Variants in PCDH11X observed in about 807,000 individuals in gnomAD.
PCDH11X encodes the protein protocadherin 11 X-linked, also known as protocadherin-11 X-linked.
PCDH11X carries 18 observed loss-of-function variants against 53.3 expected under a neutral mutation model. That is an observed-to-expected ratio of 0.34 (90% CI 0.23 to 0.50). PCDH11X has a LOEUF of 0.50. PCDH11X is among the 20% of genes least tolerant of loss of function. PCDH11X has a pLI of 0.98. For synonymous variants in PCDH11X, 279 were observed against 393.3 expected (o/e 0.71, Z 3.44); for missense variants, 570 against 1,032.4 (o/e 0.55, Z 6.14).
At chrX:91,947,255 TATC>T (rs1183299271) in intron 6 of PCDH11X, among the ~76,000 whole-genome samples, 6 of 109,626 alleles carry the variant, frequency 5.5e-5, no homozygotes, top group Admixed American at 3.9e-4. Context: ...AAATGATTAT[TATC>T]AACATCATTC....
chrX:91,826,325 T>G (rs1936924852), intron 4 of PCDH11X, among the ~76,000 whole-genome samples: 2 of 111,473 alleles, frequency 1.8e-5, no homozygotes, highest in Non-Finnish European at 3.8e-5. Flanking sequence ...TAGATGCTAT[T>G]CCTTCCTGAA....
chrX:92,299,289 G>A (rs923445321), intron 8 of PCDH11X, among the ~76,000 whole-genome samples: 2 of 111,335 alleles, frequency 1.8e-5, no homozygotes, highest in Admixed American at 9.5e-5. Context: ...AAGCTGATAG[G>A]TAAAGCTTTA....
At chrX:92,230,007 C>T (rs895985730) in intron 7 of PCDH11X, among the ~76,000 whole-genome samples, 7 of 110,152 alleles carry the variant, frequency 6.4e-5, no homozygotes, top group Admixed American at 3.0e-4. Flanking sequence ...TTTAGAAACC[C>T]GGAAATGTGG....
intron 8 of PCDH11X, among the ~76,000 whole-genome samples, chrX:92,361,914 T>G (rs1300585500): frequency 9.0e-6 from 1 of 111,565 alleles, no homozygotes; most frequent in Non-Finnish European, 1.9e-5. Context: ...AGTGGACTCA[T>G]GTACTATTTG....
chrX:92,566,936 G>T (rs1921543939), intron 10 of PCDH11X, among the ~76,000 whole-genome samples: 1 of 108,745 alleles, frequency 9.2e-6, no homozygotes, highest in Admixed American at 1.0e-4. Flanking sequence ...TCCTTCACCA[G>T]AGATAAGAAG....
chrX:92,213,601 C>T (rs1331217696), intron 7 of PCDH11X, among the ~76,000 whole-genome samples: 1 of 111,676 alleles, frequency 9.0e-6, no homozygotes, highest in Non-Finnish European at 1.9e-5. Flanking sequence ...TGACATCCCA[C>T]GATTCTCATG....
At chrX:91,849,839 A>G (rs1358462400) in intron 5 of PCDH11X, among the ~76,000 whole-genome samples, 1 of 98,547 alleles carries the variant, frequency 1.0e-5, no homozygotes, top group Non-Finnish European at 2.0e-5. Context: ...ATTTGAAAAC[A>G]TAGCCAATTC....
chrX:92,439,927 T>C (rs2072474457), intron 9 of PCDH11X, among the ~76,000 whole-genome samples: 1 of 59,168 alleles, frequency 1.7e-5, no homozygotes, highest in Admixed American at 2.1e-4. Context: ...TGGAGTACAG[T>C]TACATTTCAG....
intron 7 of PCDH11X, among the ~76,000 whole-genome samples, chrX:92,210,541 C>G (rs2066565683): frequency 9.1e-6 from 1 of 110,409 alleles, no homozygotes; most frequent in African/African-American, 3.3e-5. Flanking sequence ...GCCCGGCCCC[C>G]GAAAATGGGC....
At chrX:92,120,411 G>T (rs1473948914) in intron 6 of PCDH11X, among the ~76,000 whole-genome samples, 2 of 112,262 alleles carry the variant, frequency 1.8e-5, no homozygotes, top group Non-Finnish European at 3.8e-5. Context: ...ACCCGCCTCG[G>T]CCTCTGAAAG....
At chrX:92,353,485 C>T (rs1010177508) in intron 8 of PCDH11X, among the ~76,000 whole-genome samples, 7 of 110,507 alleles carry the variant, frequency 6.3e-5, no homozygotes, top group East Asian at 5.7e-4. Context: ...ATTCCATCAA[C>T]TTAATTCTAC....
At chrX:91,883,473 T>A in intron 6 of PCDH11X, 1 of 754,312 alleles carries the variant, frequency 1.3e-6, no homozygotes, top group Non-Finnish European at 1.6e-6. Flanking sequence ...TAACATAATA[T>A]TGCTGAGAAA....
intron 7 of PCDH11X, among the ~76,000 whole-genome samples, chrX:92,211,806 G>A (rs372884017): frequency 9.0e-6 from 1 of 110,760 alleles, no homozygotes; most frequent in Non-Finnish European, 1.9e-5. Context: ...TTTTTGTTTT[G>A]TTTTGTTTAT....
chrX:92,169,951 A>G (rs987890341), intron 6 of PCDH11X, among the ~76,000 whole-genome samples: 3 of 111,446 alleles, frequency 2.7e-5, no homozygotes, highest in Non-Finnish European at 5.6e-5. Flanking sequence ...GTATGAACAG[A>G]GGGCCATGGA....
chrX:92,527,823 C>A (rs1428762272), intron 10 of PCDH11X, among the ~76,000 whole-genome samples: 1 of 110,530 alleles, frequency 9.0e-6, no homozygotes, highest in Non-Finnish European at 1.9e-5. Flanking sequence ...GCCCAAATAT[C>A]TGAATTTTAC....
intron 6 of PCDH11X, among the ~76,000 whole-genome samples, chrX:92,157,072 A>G (rs192187644): frequency 1.8e-5 from 2 of 112,127 alleles, no homozygotes; most frequent in East Asian, 5.6e-4. Flanking sequence ...ATGCCAAAAC[A>G]TAGGTTTAAT....
chrX:92,482,376 A>G (rs2073526885), intron 10 of PCDH11X, among the ~76,000 whole-genome samples: 1 of 109,336 alleles, frequency 9.1e-6, no homozygotes, highest in Non-Finnish European at 1.9e-5. Flanking sequence ...TAAAAGAGGC[A>G]CTGCTTGTTT....
intron 4 of PCDH11X, among the ~76,000 whole-genome samples, chrX:91,834,200 A>G (rs1314099610): frequency 1.8e-5 from 2 of 111,410 alleles, no homozygotes; most frequent in Non-Finnish European, 3.8e-5. Flanking sequence ...CTAGAGATTA[A>G]AAGATATTTA....
chrX:92,481,959 AG>A (rs930192332), intron 10 of PCDH11X, among the ~76,000 whole-genome samples: 2 of 99,959 alleles, frequency 2.0e-5, no homozygotes, highest in African/African-American at 7.4e-5. Flanking sequence ...GCTGCACAGT[AG>A]CCCCTTGCAG....
Sources: allele counts gnomAD v4.1 joint callset (sites outside exome capture counted in the v4.1 genomes callset), GRCh38; gene constraint gnomAD v4.1.1; transcripts MANE v1.5; gene names NCBI Gene and HGNC (gene_info 2026-07-23, HGNC 2026-07-21).